Variants in PACRG observed in about 807,000 individuals in gnomAD.
PACRG encodes the protein parkin coregulated gene protein.
In PACRG, 29 loss-of-function variants were observed where a neutral mutation model predicts 29.7. The ratio of observed to expected loss-of-function variants is 0.98; its 90% CI spans 0.73 to 1.33. The LOEUF is 1.33. PACRG is among the 40% of genes most tolerant of loss of function. The probability of loss-of-function intolerance (pLI) is 0.00; values close to 1 mark genes in which losing one functional copy is unlikely to be tolerated. For missense variants in PACRG, 279 were observed against 316.2 expected (o/e 0.88, Z 0.89); for synonymous variants, 116 against 118.7 (o/e 0.98, Z 0.15).
At chr6:163,021,259 C>T (rs1415622189) in intron 2 of PACRG, among the ~76,000 whole-genome samples, 2 of 152,218 alleles carry the variant, frequency 1.3e-5, no homozygotes, top group African/African-American at 4.8e-5. Flanking sequence ...TCTGCCTGCC[C>T]CTCCTAGAGC....
intron 4 of PACRG, among the ~76,000 whole-genome samples, chr6:163,245,798 C>G (rs1325167818): frequency 6.6e-6 from 1 of 152,160 alleles, no homozygotes; most frequent in Non-Finnish European, 1.5e-5. Flanking sequence ...GACTCGGTCT[C>G]CGGGCATTTT....
intron 4 of PACRG, among the ~76,000 whole-genome samples, chr6:163,196,960 T>TAGACAGAC (rs749410265): frequency 2.0e-5 from 3 of 149,262 alleles, no homozygotes; most frequent in African/African-American, 7.6e-5. Context: ...GATAGATAGA[T>TAGACAGAC]AGATAGATAG....
intron 1 of PACRG, among the ~76,000 whole-genome samples, chr6:162,805,528 A>G (rs1306220784): frequency 6.6e-6 from 1 of 152,162 alleles, no homozygotes; most frequent in Non-Finnish European, 1.5e-5. Context: ...GACAACAATG[A>G]AATTTGCTGC....
At chr6:163,169,704 C>T (rs931327125) in intron 4 of PACRG, among the ~76,000 whole-genome samples, 7 of 152,228 alleles carry the variant, frequency 4.6e-5, no homozygotes, top group Non-Finnish European at 2.9e-5. Flanking sequence ...CTAGGAGGAG[C>T]TGGCCAGACG....
intron 4 of PACRG, among the ~76,000 whole-genome samples, chr6:163,215,262 A>G (rs1432534165): frequency 6.6e-6 from 1 of 152,210 alleles, no homozygotes; most frequent in Non-Finnish European, 1.5e-5. Context: ...AGAATTTTGG[A>G]GGATTCTTTC....
chr6:162,838,292 C>T (rs904241719), intron 2 of PACRG, among the ~76,000 whole-genome samples: 2 of 152,190 alleles, frequency 1.3e-5, no homozygotes, highest in African/African-American at 4.8e-5. Flanking sequence ...GGCAGTCACT[C>T]AGGGACCTAA....
intron 2 of PACRG, among the ~76,000 whole-genome samples, chr6:162,965,972 G>A (rs571768746): frequency 6.6e-6 from 1 of 152,342 alleles, no homozygotes; most frequent in South Asian, 2.1e-4. Context: ...GAGGAATATC[G>A]TGCAGCTCCG....
intron 4 of PACRG, chr6:163,165,273 G>A (rs1162259252): frequency 2.0e-5 from 3 of 152,440 alleles, no homozygotes; most frequent in Non-Finnish European, 2.9e-5. Flanking sequence ...CACCAAACAG[G>A]GAGGCCGCGC....
chr6:163,265,411 A>G (rs1019573995), intron 4 of PACRG, among the ~76,000 whole-genome samples: 7 of 151,794 alleles, frequency 4.6e-5, no homozygotes, highest in African/African-American at 1.7e-4. Context: ...GGTGGGGGGC[A>G]CTCTTCGGGC....
intron 4 of PACRG, among the ~76,000 whole-genome samples, chr6:163,110,341 A>T (rs1270100731): frequency 2.0e-5 from 3 of 152,256 alleles, no homozygotes; most frequent in Non-Finnish European, 4.4e-5. Flanking sequence ...ATATGTGCCA[A>T]CCACTGTGCT....
intron 2 of PACRG, among the ~76,000 whole-genome samples, chr6:162,815,560 T>TG (rs1390685851): frequency 3.3e-5 from 5 of 151,200 alleles, no homozygotes; most frequent in Non-Finnish European, 7.4e-5. Flanking sequence ...TATAAAATTT[T>TG]GGGGGGGTGG....
chr6:163,212,918 A>G (rs570411627), intron 4 of PACRG, among the ~76,000 whole-genome samples: 28 of 152,168 alleles, frequency 1.8e-4, no homozygotes, highest in Admixed American at 9.2e-4. Context: ...AGCTGGAACT[A>G]CAGGCACCCA....
chr6:163,229,632 C>T (rs113127828), intron 4 of PACRG, among the ~76,000 whole-genome samples: 1,957 of 152,248 alleles, frequency 0.013, 39 homozygotes, highest in African/African-American at 0.044. Flanking sequence ...TAGTTAGTCT[C>T]GTGACTTTTT....
intron 1 of PACRG, among the ~76,000 whole-genome samples, chr6:162,784,334 C>T (rs1487030085): frequency 1.3e-5 from 2 of 152,158 alleles, no homozygotes; most frequent in Non-Finnish European, 2.9e-5. Context: ...ATACCCCCAG[C>T]CCATGGTCAT....
intron 3 of PACRG, among the ~76,000 whole-genome samples, chr6:163,081,190 A>G (rs1257541092): frequency 2.0e-5 from 3 of 152,224 alleles, no homozygotes; most frequent in Non-Finnish European, 4.4e-5. Context: ...ATTTATATCC[A>G]TTGTAATCTA....
intron 2 of PACRG, among the ~76,000 whole-genome samples, chr6:162,993,250 A>G (rs1384843898): frequency 3.4e-5 from 5 of 148,868 alleles, no homozygotes; most frequent in African/African-American, 1.3e-4. Context: ...GTAGATGTCT[A>G]TTAGGTCCAC....
chr6:162,728,149 T>A lies in PACRG; in HGVS notation c.-87T>A, dbSNP rs974128608. ...TCTACCATTATCGCGCCTTTTGATA[T>A]TTTTTTCCAGACCTCCTGCTCACAT... On this transcript the variant is annotated 5_prime_UTR_variant, in exon 1 of 5. Transcript: ENST00000366888. 1.4e-6 allele frequency: 2 copies of A among 1,476,178 alleles called. No homozygotes were observed. The highest frequency in any genetic ancestry group is 2.8e-5 in the African/African-American group (2 of 71,004). The allele number at this position is 1,476,178 out of a possible 1,614,324, so 91.4% of individuals were successfully genotyped here. A position where few individuals can be genotyped will look rare whatever the true frequency, so the allele number is the denominator to read the frequency against.
At chr6:163,134,819 C>A (rs1046589114) in intron 4 of PACRG, among the ~76,000 whole-genome samples, 3 of 152,112 alleles carry the variant, frequency 2.0e-5, no homozygotes, top group African/African-American at 7.2e-5. Context: ...ATCTATGAAT[C>A]CCTGTGTACC....
chr6:162,976,866 A>C (rs938606870), intron 2 of PACRG, among the ~76,000 whole-genome samples: 4 of 152,164 alleles, frequency 2.6e-5, no homozygotes, highest in African/African-American at 9.6e-5. Context: ...TATTAGAAGT[A>C]TCAAATAAAA....
Sources: gnomAD v4.1 joint callset for allele counts (sites outside exome capture counted in the v4.1 genomes callset) on GRCh38, gnomAD v4.1.1 for gene constraint, MANE v1.5 for transcripts, NCBI Gene and HGNC (gene_info 2026-07-23, HGNC 2026-07-21) for gene names.